The following TENM3 variants were observed in gnomAD, a reference collection of about 807,000 sequenced individuals.
The protein encoded by TENM3 is teneurin-3.
A neutral mutation model predicts 255.1 loss-of-function variants in TENM3; 63 were observed. The ratio of observed to expected loss-of-function variants is 0.25; its 90% confidence interval spans 0.20 to 0.30. TENM3 has a LOEUF of 0.30. Ranked by LOEUF, TENM3 falls within the 10% of genes least tolerant of loss-of-function variation. TENM3 has a pLI of 1.00. For synonymous variants in TENM3, 1,306 were observed against 1,322.3 expected (o/e 0.99, Z 0.27); for missense variants, 2,929 against 3,461.1 (o/e 0.85, Z 3.86).
At chr4:181,951,210 C>G in the TENM3 span, among the ~76,000 whole-genome samples, 3 of 152,174 alleles carry the variant, frequency 2.0e-5, no homozygotes, top group African/African-American at 2.4e-5. Context: ...TCTTCAGTGT[C>G]TTACTTGAAG....
At chr4:182,298,984 CAAAAAAAAAAAAAAAAAAAA>C (rs11283401) in intron 1 of TENM3, among the ~76,000 whole-genome samples, 2 of 25,554 alleles carry the variant, frequency 7.8e-5, no homozygotes, top group Admixed American at 7.6e-4. Context: ...GACTCCTTCT[CAAAAAAAAAAAAAAAAAAAA>C]AAAAAAAAAA....
At chr4:182,480,630 T>C (rs1418872666) in intron 3 of TENM3, among the ~76,000 whole-genome samples, 7 of 152,112 alleles carry the variant, frequency 4.6e-5, no homozygotes, top group Admixed American at 4.6e-4. Context: ...TTGGTTCTAA[T>C]TCTATTTGGA....
At chr4:182,483,443 A>C (rs1200891629) in intron 3 of TENM3, among the ~76,000 whole-genome samples, 1 of 152,146 alleles carries the variant, frequency 6.6e-6, no homozygotes, top group African/African-American at 2.4e-5. Context: ...GGATCAAGCA[A>C]CTCAGCTTCT....
At chr4:181,551,402 A>G in the TENM3 span, among the ~76,000 whole-genome samples, 1 of 152,232 alleles carries the variant, frequency 6.6e-6, no homozygotes, top group Non-Finnish European at 1.5e-5. Flanking sequence ...GCACATTCAC[A>G]TAATGTTTAA....
intron 3 of TENM3, among the ~76,000 whole-genome samples, chr4:182,536,683 A>G (rs982952668): frequency 6.6e-6 from 1 of 151,986 alleles, no homozygotes; most frequent in Non-Finnish European, 1.5e-5. Flanking sequence ...CGCTGGGCAC[A>G]TATAAATATT....
intron 3 of TENM3, among the ~76,000 whole-genome samples, chr4:182,452,881 A>G (rs1318905928): frequency 2.0e-5 from 3 of 152,144 alleles, no homozygotes; most frequent in African/African-American, 7.2e-5. Flanking sequence ...AAGTTATTCT[A>G]ATACTCATTT....
the TENM3 span, among the ~76,000 whole-genome samples, chr4:181,616,925 A>G: frequency 6.6e-6 from 1 of 152,208 alleles, no homozygotes; most frequent in Non-Finnish European, 1.5e-5. Context: ...CCTCATGGAC[A>G]TACTCGTAAA....
At chr4:181,646,289 T>C in the TENM3 span, among the ~76,000 whole-genome samples, 1 of 152,146 alleles carries the variant, frequency 6.6e-6, no homozygotes, top group Non-Finnish European at 1.5e-5. Context: ...TTTTACCCTA[T>C]ATGAAGGACA....
In TENM3 at chr4:182,596,089, G is replaced by A. The variant is rs1451902271; in HGVS notation, c.512-4835G>A. ...GTCATCAATCAATCAGCACATTTTT[G>A]GGAGTCCTTGAAGTACGTGCTTAGT... On this transcript the variant is annotated intron_variant, in intron 3 of 27. Transcript: ENST00000511685. Among the ~76,000 whole-genome samples, 6 of 152,074 alleles carry A rather than the reference G, an allele frequency of 3.9e-5. No homozygotes were observed. In the South Asian group the frequency reaches 1.0e-3, roughly 26 times the overall value.
chr4:181,884,088 G>T, the TENM3 span, among the ~76,000 whole-genome samples: 8 of 152,172 alleles, frequency 5.3e-5, no homozygotes, highest in East Asian at 1.6e-3. Flanking sequence ...AACTCTAGAT[G>T]AATTGATAAT....
At chr4:181,506,616 T>C in the TENM3 span, among the ~76,000 whole-genome samples, 1 of 151,402 alleles carries the variant, frequency 6.6e-6, no homozygotes, top group Non-Finnish European at 1.5e-5. Context: ...GGACATTCCC[T>C]CCTGGATTTG....
chr4:181,568,768 C>G, the TENM3 span, among the ~76,000 whole-genome samples: 2 of 152,314 alleles, frequency 1.3e-5, no homozygotes, highest in Middle Eastern at 6.8e-3. Context: ...CTTCCCTAAT[C>G]CTTTCCAAGC....
chr4:182,466,494 T>G (rs565890060), intron 3 of TENM3, among the ~76,000 whole-genome samples: 12 of 152,266 alleles, frequency 7.9e-5, no homozygotes, highest in African/African-American at 2.6e-4. Flanking sequence ...CATGCCTGGC[T>G]AATTTTTTTT....
At chr4:182,713,228 G>A (rs993543238) in intron 12 of TENM3, among the ~76,000 whole-genome samples, 6 of 152,108 alleles carry the variant, frequency 3.9e-5, no homozygotes, top group East Asian at 1.9e-4. Context: ...ATCACTCTTC[G>A]CTATCTGTCT....
Position 182,292,934 on chromosome 4 carries a change from A to T in TENM3, c.-75-31012A>T, listed in dbSNP as rs546812993. ...GAGAGGTAGACACAGTCCCAAGCCCAGGGTACAACATGCTCAGAGACCCAG... is the reference window on the plus strand; with the variant it reads ...GAGAGGTAGACACAGTCCCAAGCCCTGGGTACAACATGCTCAGAGACCCAG... On this transcript the variant is annotated intron_variant, in intron 1 of 27. Transcript: ENST00000511685. Among the ~76,000 whole-genome samples, 14 of 152,302 alleles carry T rather than the reference A, an allele frequency of 9.2e-5. No individual in the cohort carries two copies. In the East Asian group the frequency reaches 2.3e-3, roughly 25 times the overall value.
At chr4:181,521,408 T>C in the TENM3 span, among the ~76,000 whole-genome samples, 2 of 152,252 alleles carry the variant, frequency 1.3e-5, no homozygotes, top group Admixed American at 1.3e-4. Flanking sequence ...AAAAATGGCT[T>C]GCAGTAAGGT....
At chr4:181,598,697 AAAAG>A in the TENM3 span, among the ~76,000 whole-genome samples, 2,164 of 152,100 alleles carry the variant, frequency 0.014, 27 homozygotes, top group South Asian at 0.049. Context: ...AGAAAAAAAA[AAAAG>A]AAAACCATAA....
the TENM3 span, among the ~76,000 whole-genome samples, chr4:181,990,002 T>C: frequency 6.6e-6 from 1 of 152,152 alleles, no homozygotes; most frequent in East Asian, 1.9e-4. Context: ...AATGATTTGT[T>C]ACCAAATTAT....
chr4:181,616,773 C>T, the TENM3 span, among the ~76,000 whole-genome samples: 11 of 152,126 alleles, frequency 7.2e-5, no homozygotes, highest in African/African-American at 2.7e-4. Flanking sequence ...GGTGTCTCAG[C>T]TCCAGAAATG....
Sources: gnomAD v4.1 joint callset for allele counts (sites outside exome capture counted in the v4.1 genomes callset) on GRCh38, gnomAD v4.1.1 for gene constraint, MANE v1.5 for transcripts, NCBI Gene and HGNC (gene_info 2026-07-23, HGNC 2026-07-21) for gene names.